CEP295: variants seen among roughly 807,000 people sequenced by gnomAD.
CEP295 encodes centrosomal protein of 295 kDa.
CEP295 carries 190 observed loss-of-function variants against 291.6 expected under a neutral mutation model. The observed-to-expected ratio is 0.65, with a 90% CI of 0.58 to 0.73. The LOEUF (loss-of-function observed/expected upper bound fraction) is 0.73, where lower values mean the gene tolerates loss of function less well. Ranked by LOEUF, CEP295 falls within the 30% of genes least tolerant of loss-of-function variation. The pLI, the probability that CEP295 is intolerant of heterozygous loss-of-function variation, is 0.00. For synonymous variants in CEP295, 993 were observed against 1,038.8 expected, an observed-to-expected ratio of 0.96 and a Z score of 0.85; for missense variants, 2,863 against 2,949.4, an observed-to-expected ratio of 0.97 and a Z score of 0.68.
intron 22 of CEP295, among the ~76,000 whole-genome samples, chr11:93,725,061 C>T (rs1448424595): frequency 1.3e-5 from 2 of 152,000 alleles, no homozygotes; most frequent in Non-Finnish European, 2.9e-5. Flanking sequence ...TTGAGATCAG[C>T]CTGGCCAACA....
chr11:93,704,756 T>C (rs1366596993), intron 17 of CEP295, among the ~76,000 whole-genome samples: 1 of 152,144 alleles, frequency 6.6e-6, no homozygotes, highest in African/African-American at 2.4e-5. Context: ...AATACTTCTA[T>C]CATCATATTA....
At chr11:93,704,028 C>G (rs1952363653) in intron 17 of CEP295, among the ~76,000 whole-genome samples, 1 of 152,038 alleles carries the variant, frequency 6.6e-6, no homozygotes, top group South Asian at 2.1e-4. Context: ...CTCGGCCTCC[C>G]AAAGTGCTGG....
At chr11:93,717,933 A>G (rs1329613720) in intron 18 of CEP295, among the ~76,000 whole-genome samples, 1 of 152,128 alleles carries the variant, frequency 6.6e-6, no homozygotes, top group Non-Finnish European at 1.5e-5. Flanking sequence ...CTGTTTTGAG[A>G]CAGGGTCTTG....
chr11:93,697,680 C>T lies in CEP295; in HGVS notation c.2768C>T (p.Ser923Phe), dbSNP rs775758204. ...SSPTKNNIAVSSDHHVISQLQ... is the reference protein window; with the variant it reads ...SSPTKNNIAVFSDHHVISQLQ... ...CCAACCAAGAATAATATTGCAGTTT[C>T]CTCAGACCATCATGTGATCTCACAA... is the stretch of plus-strand genomic sequence containing the variant. The change falls in exon 15 of 30, where the codon TCC becomes TTC. Residue 923 changes from serine to phenylalanine, a missense_variant. By Grantham distance (155) the Ser-to-Phe change is radical (BLOSUM62 -2). Around this residue, in one of 3 missense-constraint regions of CEP295, gnomAD observed 2,295 missense variants for 2,335.7 expected, o/e 0.98. Coordinates refer to ENST00000325212, the MANE Select transcript of CEP295 (RefSeq NM_033395.2). 20 of 1,551,738 alleles carry T rather than the reference C, an allele frequency of 1.3e-5. 1 individual carries two copies. The South Asian group carries it at 2.4e-4, about 18-fold the overall frequency.
Position 93,675,718 on chromosome 11 carries a change from T to C in CEP295, c.624+52T>C, listed in dbSNP as rs921403834. 2.0e-5 allele frequency: 18 copies of C among 906,246 alleles called. No individual in the cohort carries two copies. The East Asian group carries it at 4.8e-4, about 24-fold the overall frequency. 56.1% of individuals were successfully genotyped at this position (906,246 alleles called of 1,614,324 possible). ...CCTCGCTTTATTATTTCTGTGTGCA[T>C]TGAATTGAATTATATCTTAGTTATA... On this transcript the variant is annotated intron_variant, in intron 6 of 29. Transcript: ENST00000325212.
At position 93,730,254 on chromosome 11, in the gene CEP295, CA is replaced by C. The variant is rs1257458938; in HGVS notation, c.7796del (p.Asn2599IlefsTer10). ...AGAAAACACTAGAGAAACTTCGAGC[CA>C]AAAATACATGCTGACTTTCTAGAAA... ...HKKTLEKLRA[K>X]NTC On this transcript the variant is annotated frameshift_variant, in exon 30 of 30. Coordinates refer to ENST00000325212, the MANE Select transcript of CEP295 (RefSeq NM_033395.2). LOFTEE classifies it high-confidence loss of function. 1.3e-6 allele frequency: 2 copies of C among 1,549,608 alleles called. No homozygotes were observed. The highest frequency in any genetic ancestry group is 3.9e-5 in the Admixed American group (2 of 50,934).
rs1172850380 is a variant in CEP295, at chr11:93,666,702, A to C, written c.-6A>C. On this transcript the variant is annotated 5_prime_UTR_variant, in exon 2 of 30. Coordinates refer to ENST00000325212, the MANE Select transcript of CEP295 (RefSeq NM_033395.2). ...TTCAGAACTGTCATACATAAAGTAC[A>C]CAGAAATGAAGAGAAAAGTCGTGAA... 1.4e-6 allele frequency: 2 copies of C among 1,461,718 alleles called. No individual in the cohort carries two copies. The highest frequency in any genetic ancestry group is 1.9e-6 in the Non-Finnish European group (2 of 1,071,642). The allele number at this position is 1,461,718 out of a possible 1,614,324, so 90.5% of individuals were successfully genotyped here.
intron 17 of CEP295, among the ~76,000 whole-genome samples, chr11:93,706,377 C>T (rs866452475): frequency 3.3e-5 from 5 of 152,136 alleles, no homozygotes; most frequent in African/African-American, 7.2e-5. Flanking sequence ...TTTTACCTTC[C>T]CAGTTATCAT....
chr11:93,699,763 T>C lies in CEP295; in HGVS notation c.4851T>C (p.Tyr1617=). The part of the protein sequence containing the change: ...LDAQREVMYS[Y]EKPQEELSLN... ...CACAAAGGGAAGTGATGTATTCTTA[T>C]GAGAAACCCCAGGAAGAACTGTCTT... The change falls in exon 15 of 30, where the codon TAT becomes TAC. Residue 1617 remains tyrosine (Y), a synonymous_variant. Coordinates refer to ENST00000325212, the MANE Select transcript of CEP295 (RefSeq NM_033395.2). The C allele has an allele frequency of 3.2e-6, 5 of 1,552,024 alleles. No homozygotes were observed. The African/African-American group carries it at 4.1e-5, about 13-fold the overall frequency.
At chr11:93,692,313 A>G (rs1306200689) in intron 12 of CEP295, among the ~76,000 whole-genome samples, 2 of 152,218 alleles carry the variant, frequency 1.3e-5, no homozygotes, top group African/African-American at 2.4e-5. Flanking sequence ...AAAAAATTCA[A>G]TTTATCCTAC....
At chr11:93,710,858 G>T (rs1253660370) in intron 18 of CEP295, among the ~76,000 whole-genome samples, 4 of 152,128 alleles carry the variant, frequency 2.6e-5, no homozygotes, top group Non-Finnish European at 5.9e-5. Flanking sequence ...TATGTGTCTA[G>T]GAATTTATTC....
In CEP295 at chr11:93,698,222, G is replaced by A; in HGVS notation, c.3310G>A (p.Val1104Met). Residue 1104 changes from valine (V) to methionine (M), a missense_variant, in exon 15 of 30, where the codon GTG (valine) becomes ATG (methionine). Transcript: ENST00000325212. ...GCTGGTGAGCTCTTCATCCTCACCA[G>A]TGGTTGTTCAGCATTCAGTTGCTTC... ...SGLVSSSSSP[V>M]VVQHSVASQA... 6.4e-7 allele frequency: 1 copy of A among 1,551,900 alleles called. No individual in the cohort carries two copies. The highest frequency in any genetic ancestry group is 8.7e-7 in the Non-Finnish European group (1 of 1,147,016).
At chr11:93,678,627 G>A (rs1565439145) in intron 6 of CEP295, among the ~76,000 whole-genome samples, 2 of 152,108 alleles carry the variant, frequency 1.3e-5, no homozygotes, top group African/African-American at 4.8e-5. Context: ...TGAATGTTCA[G>A]ATAATAAAAG....
rs745932294 is a variant in CEP295 at position 93,725,724 on chromosome 11, G to A, written c.6392G>A (p.Arg2131Lys). 6.4e-7 allele frequency: 1 copy of A among 1,551,862 alleles called. No individual in the cohort carries two copies. The highest frequency in any genetic ancestry group is 1.2e-5 in the South Asian group (1 of 84,056). Residue 2131 changes from arginine (R) to lysine (K), a missense_variant, in exon 23 of 30, where the codon AGG becomes AAG. Physicochemically the swap from Arg to Lys is conservative, Grantham distance 26. Transcript: ENST00000325212. ...AGTACAGTTTATTTCACAGCACTGAGGAGGACCAGCATGCATTCTTCTCTT... is the reference window on the plus strand; with the variant it reads ...AGTACAGTTTATTTCACAGCACTGAAGAGGACCAGCATGCATTCTTCTCTT... ...SKSTVYFTALRRTSMHSSLNT... is the reference protein window; with the variant it reads ...SKSTVYFTALKRTSMHSSLNT...
chr11:93,681,608 G>T (rs986255443), intron 7 of CEP295, among the ~76,000 whole-genome samples: 1 of 151,104 alleles, frequency 6.6e-6, no homozygotes, highest in Non-Finnish European at 1.5e-5. Context: ...TAGAGACAGG[G>T]TTTCACCACG....
intron 15 of CEP295, among the ~76,000 whole-genome samples, chr11:93,701,234 A>G (rs1282398377): frequency 1.3e-5 from 2 of 152,052 alleles, no homozygotes; most frequent in African/African-American, 4.8e-5. Context: ...GCATGGTAGC[A>G]TGTACCTCTA....
At chr11:93,662,485 G>A (rs1239402922) in intron 1 of CEP295, among the ~76,000 whole-genome samples, 5 of 152,124 alleles carry the variant, frequency 3.3e-5, no homozygotes, top group Non-Finnish European at 4.4e-5. Context: ...TATGTACCAG[G>A]AGCCATTTAA....
chr11:93,666,831 A>G lies in CEP295; in HGVS notation c.108+16A>G, dbSNP rs1326460395. On this transcript the variant is annotated intron_variant, in intron 2 of 29. Transcript: ENST00000325212. ...ATTGCTACAGGTATGACTTATTTGT[A>G]ATAAAGTTTTAAATTCCTTTCTTCC... 2 of 1,323,846 alleles carry G rather than the reference A, an allele frequency of 1.5e-6. No individual in the cohort carries two copies. Among genetic ancestry groups the G allele is most frequent in the Non-Finnish European group, 2.1e-6 (2 of 951,908 alleles). The allele number at this position is 1,323,846 out of a possible 1,614,324, so 82.0% of individuals were successfully genotyped here. A position where few individuals can be genotyped will look rare whatever the true frequency, so the allele number is the denominator to read the frequency against.
chr11:93,669,434 A>G (rs1000308937), intron 4 of CEP295, among the ~76,000 whole-genome samples: 1 of 147,918 alleles, frequency 6.8e-6, no homozygotes, highest in Non-Finnish European at 1.5e-5. Context: ...TTTTCACTCT[A>G]AAGAACATTA....
Sources: allele counts gnomAD v4.1 joint callset (sites outside exome capture counted in the v4.1 genomes callset), GRCh38; gene constraint gnomAD v4.1.1; regional missense constraint gnomAD v4.1.1; transcripts MANE v1.5; gene names NCBI Gene and HGNC (gene_info 2026-07-23, HGNC 2026-07-21).